Variants in SFT2D3 observed in about 807,000 individuals in gnomAD.
SFT2D3 encodes the protein vesicle transport protein SFT2C.
For missense variants in SFT2D3, 405 were observed against 334.6 expected (o/e 1.21, Z -1.64); for synonymous variants, 239 against 191.2 (o/e 1.25, Z -2.06).
rs7575478 is a variant in SFT2D3 at position 127,703,982 on chromosome 2, A to G, written c.*1806A>G. The G allele has an allele frequency of 0.31, 50,895 of 166,148 alleles. 8,295 individuals are homozygous for G. The highest frequency in any genetic ancestry group is 0.49 in the South Asian group (2,329 of 4,800). The allele number at this position is 166,148 out of a possible 1,614,324, so 10.3% of individuals were successfully genotyped here. A position where few individuals can be genotyped will look rare whatever the true frequency, so the allele number is the denominator to read the frequency against. Reference sequence around the variant, plus strand: ...AAAATCTTCAAAAAATTTGCCAGATATGGTGGCACACAACTGTGATCCCAG... The same window carrying G: ...AAAATCTTCAAAAAATTTGCCAGATGTGGTGGCACACAACTGTGATCCCAG... On this transcript the variant is annotated 3_prime_UTR_variant, in exon 1 of 1. Coordinates refer to ENST00000310981, the MANE Select transcript of SFT2D3 (RefSeq NM_032740.4).
In SFT2D3 at chr2:127,701,994, A is replaced by G; in HGVS notation, c.466A>G (p.Thr156Ala). Residue 156 changes from threonine (T) to alanine (A), a missense_variant, in exon 1 of 1, where the codon ACG becomes GCG. Physicochemically the swap from Thr to Ala is moderately conservative, Grantham distance 58. Transcript: ENST00000310981. Reference protein sequence around the residue: ...ALLYMAALGATLFAALGLRST... With the variant: ...ALLYMAALGAALFAALGLRST... Reference sequence around the variant, plus strand: ...GCTCTACATGGCAGCGCTGGGCGCCACGCTGTTCGCCGCGCTGGGCCTTCG... The same window carrying G: ...GCTCTACATGGCAGCGCTGGGCGCCGCGCTGTTCGCCGCGCTGGGCCTTCG... 7.5e-7 allele frequency: 1 copy of G among 1,332,596 alleles called. No individual in the cohort carries two copies. Among genetic ancestry groups the G allele is most frequent in the East Asian group, 3.3e-5 (1 of 30,446 alleles). The allele number at this position is 1,332,596 out of a possible 1,614,324, so 82.5% of individuals were successfully genotyped here. A position where few individuals can be genotyped will look rare whatever the true frequency, so the allele number is the denominator to read the frequency against.
chr2:127,701,853 G>T lies in SFT2D3; in HGVS notation c.325G>T (p.Ala109Ser). The T allele has an allele frequency of 1.4e-6, 2 of 1,461,306 alleles. No homozygotes were observed. The highest frequency in any genetic ancestry group is 1.8e-6 in the Non-Finnish European group (2 of 1,111,714). 90.5% of individuals were successfully genotyped at this position (1,461,306 alleles called of 1,614,324 possible). ...GTTGCTGCTGCGCGCGCGCAAGTTCGCGCTGCTCTGGTCACTGGGCTCGGC... is the reference window on the plus strand; with the variant it reads ...GTTGCTGCTGCGCGCGCGCAAGTTCTCGCTGCTCTGGTCACTGGGCTCGGC... ...PVLLLRARKF[A>S]LLWSLGSALA... is the part of the protein sequence containing the mutation. Residue 109 changes from alanine to serine, a missense_variant, in exon 1 of 1, where the codon GCG (alanine) becomes TCG (serine). Transcript: ENST00000310981.
rs1393155491 is a variant in SFT2D3 at position 127,703,507 on chromosome 2, C to G, written c.*1331C>G. The G allele has an allele frequency of 6.0e-6, 1 of 167,140 alleles. No individual in the cohort carries two copies. The highest frequency in any genetic ancestry group is 1.5e-5 in the Non-Finnish European group (1 of 68,148). The allele number at this position is 167,140 out of a possible 1,614,324, so 10.4% of individuals were successfully genotyped here. A position where few individuals can be genotyped will look rare whatever the true frequency, so the allele number is the denominator to read the frequency against. On this transcript the variant is annotated 3_prime_UTR_variant, in exon 1 of 1. Transcript: ENST00000310981. ...CCTAAGTAAGTCAGGTCCCTAAGCC[C>G]CGTCCCAAGAAGTGACACAAGTGGC... is the stretch of plus-strand genomic sequence containing the variant.
rs933806708 is a variant in SFT2D3 at position 127,702,965 on chromosome 2, A to T, written c.*789A>T. 1 of 167,066 alleles carries T rather than the reference A, an allele frequency of 6.0e-6. No individual in the cohort carries two copies. Among genetic ancestry groups the T allele is most frequent in the Non-Finnish European group, 1.5e-5 (1 of 68,116 alleles). The allele number at this position is 167,066 out of a possible 1,614,324, so 10.3% of individuals were successfully genotyped here. On this transcript the variant is annotated 3_prime_UTR_variant, in exon 1 of 1. Coordinates refer to ENST00000310981, the MANE Select transcript of SFT2D3 (RefSeq NM_032740.4). Reference sequence around the variant, plus strand: ...AAACCATGGATTTCTACAAGCTCGAATTATTCCTCATTGTATAGCCTGCTT... The same window carrying T: ...AAACCATGGATTTCTACAAGCTCGATTTATTCCTCATTGTATAGCCTGCTT...
rs1280805115 is a variant in SFT2D3, at chr2:127,703,076, C to T, written c.*900C>T. ...GCCTTCATTTTAGGTTCAGCAGTTACTTTTAACTACCTTAATTTATTGCCA... is the reference window on the plus strand; with the variant it reads ...GCCTTCATTTTAGGTTCAGCAGTTATTTTTAACTACCTTAATTTATTGCCA... On this transcript the variant is annotated 3_prime_UTR_variant, in exon 1 of 1. Coordinates refer to ENST00000310981, the MANE Select transcript of SFT2D3 (RefSeq NM_032740.4). 1 of 167,046 alleles carries T rather than the reference C, an allele frequency of 6.0e-6. No individual in the cohort carries two copies. The highest frequency in any genetic ancestry group is 1.9e-4 in the East Asian group (1 of 5,202). 10.3% of individuals were successfully genotyped at this position (167,046 alleles called of 1,614,324 possible). A position where few individuals can be genotyped will look rare whatever the true frequency, so the allele number is the denominator to read the frequency against.
Position 127,701,687 on chromosome 2 carries a change from G to A in SFT2D3, c.159G>A (p.Trp53Ter). Residue 53 changes from tryptophan (W) to a stop codon, truncating the protein, a stop_gained, in exon 1 of 1, where the codon TGG (tryptophan) becomes TGA (stop). Transcript: ENST00000310981. LOFTEE classifies it low-confidence loss of function (END_TRUNC). ...GCCGCGCGGGCTTGCGCTGGACGTG[G>A]GCGCGGAGCCCTGCGGAGTCGGCAG... The part of the protein sequence containing the change: ...WLGRAGLRWT[W>*]ARSPAESAAA... The A allele has an allele frequency of 1.5e-6, 2 of 1,298,744 alleles. No homozygotes were observed. The highest frequency in any genetic ancestry group is 1.9e-6 in the Non-Finnish European group (2 of 1,028,830). The allele number at this position is 1,298,744 out of a possible 1,614,324, so 80.5% of individuals were successfully genotyped here. A position where few individuals can be genotyped will look rare whatever the true frequency, so the allele number is the denominator to read the frequency against.
chr2:127,702,277 G>A lies in SFT2D3; in HGVS notation c.*101G>A. 3.6e-6 allele frequency: 4 copies of A among 1,103,668 alleles called. No individual in the cohort carries two copies. Among genetic ancestry groups the A allele is most frequent in the Non-Finnish European group, 4.5e-6 (4 of 884,528 alleles). 68.4% of individuals were successfully genotyped at this position (1,103,668 alleles called of 1,614,324 possible). On this transcript the variant is annotated 3_prime_UTR_variant, in exon 1 of 1. Coordinates refer to ENST00000310981, the MANE Select transcript of SFT2D3 (RefSeq NM_032740.4). ...TGCACGCCGCTGTGCGGAAGCCCGTGGCGAAGGCCCTGCCCTAACAGCCTG... is the reference window on the plus strand; with the variant it reads ...TGCACGCCGCTGTGCGGAAGCCCGTAGCGAAGGCCCTGCCCTAACAGCCTG...
rs1685948738 is a variant in SFT2D3 at position 127,703,750 on chromosome 2, A to G, written c.*1574A>G. ...CCCTAAATTTCTGTTCTAGTTTTAAATTTCTCTAGAACTTGCAATAGTTGG... is the reference window on the plus strand; with the variant it reads ...CCCTAAATTTCTGTTCTAGTTTTAAGTTTCTCTAGAACTTGCAATAGTTGG... On this transcript the variant is annotated 3_prime_UTR_variant, in exon 1 of 1. Transcript: ENST00000310981. The G allele has an allele frequency of 6.0e-6, 1 of 167,010 alleles. No individual in the cohort carries two copies. The highest frequency in any genetic ancestry group is 2.4e-5 in the African/African-American group (1 of 41,418). 10.3% of individuals were successfully genotyped at this position (167,010 alleles called of 1,614,324 possible). A position where few individuals can be genotyped will look rare whatever the true frequency, so the allele number is the denominator to read the frequency against.
In SFT2D3 at chr2:127,702,018, C is replaced by T. The variant is rs889011553; in HGVS notation, c.490C>T (p.Arg164Cys). The change falls in exon 1 of 1, where the codon CGC (arginine) becomes TGC (cysteine). Residue 164 changes from arginine to cysteine, a missense_variant. Transcript: ENST00000310981. ...CACGCTGTTCGCCGCGCTGGGCCTTCGCAGCACGCTGCTCACGGTGCTGGG... is the reference window on the plus strand; with the variant it reads ...CACGCTGTTCGCCGCGCTGGGCCTTTGCAGCACGCTGCTCACGGTGCTGGG... ...GATLFAALGL[R>C]STLLTVLGAG... The T allele has an allele frequency of 4.6e-6, 6 of 1,298,250 alleles. No homozygotes were observed. In the African/African-American group the frequency reaches 4.7e-5, roughly 10 times the overall value. 80.4% of individuals were successfully genotyped at this position (1,298,250 alleles called of 1,614,324 possible). A position where few individuals can be genotyped will look rare whatever the true frequency, so the allele number is the denominator to read the frequency against.
In SFT2D3 at chr2:127,704,525, G is replaced by C. The variant is rs1685965929; in HGVS notation, c.*2349G>C. 1 of 166,858 alleles carries C rather than the reference G, an allele frequency of 6.0e-6. No homozygotes were observed. The highest frequency in any genetic ancestry group is 6.6e-5 in the Admixed American group (1 of 15,260). The allele number at this position is 166,858 out of a possible 1,614,324, so 10.3% of individuals were successfully genotyped here. A position where few individuals can be genotyped will look rare whatever the true frequency, so the allele number is the denominator to read the frequency against. ...TTTAAGCTATACCAGTTGGGGGTGA[G>C]TGAAGAAATACCCATAACCTAAAGC... On this transcript the variant is annotated 3_prime_UTR_variant, in exon 1 of 1. Coordinates refer to ENST00000310981, the MANE Select transcript of SFT2D3 (RefSeq NM_032740.4).
Position 127,704,043 on chromosome 2 carries a change from G to C in SFT2D3, c.*1867G>C, listed in dbSNP as rs1020160554. On this transcript the variant is annotated 3_prime_UTR_variant, in exon 1 of 1. Coordinates refer to ENST00000310981, the MANE Select transcript of SFT2D3 (RefSeq NM_032740.4). The stretch of plus-strand genomic sequence containing the variant: ...TGGGGCTGAGGTGGGAAGATCACTT[G>C]AGCCCAGGAGGTTGAGGCTGCAGTG... 11 of 166,430 alleles carry C rather than the reference G, an allele frequency of 6.6e-5. No homozygotes were observed. The highest frequency in any genetic ancestry group is 2.6e-4 in the African/African-American group (11 of 41,510). The allele number at this position is 166,430 out of a possible 1,614,324, so 10.3% of individuals were successfully genotyped here. A position where few individuals can be genotyped will look rare whatever the true frequency, so the allele number is the denominator to read the frequency against.
chr2:127,703,068 A>G lies in SFT2D3; in HGVS notation c.*892A>G, dbSNP rs1348194798. The G allele has an allele frequency of 6.0e-6, 1 of 167,064 alleles. No individual in the cohort carries two copies. The highest frequency in any genetic ancestry group is 2.4e-5 in the African/African-American group (1 of 41,446). The allele number at this position is 167,064 out of a possible 1,614,324, so 10.3% of individuals were successfully genotyped here. A position where few individuals can be genotyped will look rare whatever the true frequency, so the allele number is the denominator to read the frequency against. Reference sequence around the variant, plus strand: ...TTGCTGCTGCCTTCATTTTAGGTTCAGCAGTTACTTTTAACTACCTTAATT... The same window carrying G: ...TTGCTGCTGCCTTCATTTTAGGTTCGGCAGTTACTTTTAACTACCTTAATT... On this transcript the variant is annotated 3_prime_UTR_variant, in exon 1 of 1. Transcript: ENST00000310981.
chr2:127,701,871 G>C lies in SFT2D3; in HGVS notation c.343G>C (p.Gly115Arg). 6.8e-7 allele frequency: 1 copy of C among 1,459,964 alleles called. No individual in the cohort carries two copies. Among genetic ancestry groups the C allele is most frequent in the Non-Finnish European group, 9.0e-7 (1 of 1,111,618 alleles). The allele number at this position is 1,459,964 out of a possible 1,614,324, so 90.4% of individuals were successfully genotyped here. ...ARKFALLWSL[G>R]SALALAGSAL... is the part of the protein sequence containing the mutation. The stretch of plus-strand genomic sequence containing the variant: ...CAAGTTCGCGCTGCTCTGGTCACTG[G>C]GCTCGGCGCTGGCGTTGGCGGGAAG... The change falls in exon 1 of 1, where the codon GGC (glycine) becomes CGC (arginine). Residue 115 changes from glycine (G) to arginine (R), a missense_variant. Transcript: ENST00000310981.
In SFT2D3 at chr2:127,701,528, G is replaced by C. The variant is rs1685876558; in HGVS notation, c.-1G>C. 1 of 1,328,068 alleles carries C rather than the reference G, an allele frequency of 7.5e-7. No homozygotes were observed. The highest frequency in any genetic ancestry group is 1.5e-5 in the African/African-American group (1 of 65,576). The allele number at this position is 1,328,068 out of a possible 1,614,324, so 82.3% of individuals were successfully genotyped here. On this transcript the variant is annotated 5_prime_UTR_variant, in exon 1 of 1. Coordinates refer to ENST00000310981, the MANE Select transcript of SFT2D3 (RefSeq NM_032740.4). Reference sequence around the variant, plus strand: ...TCCTTTCTGCCACCGCCTTGTCCAAGATGGCGGACCTCCACCGCCAGCTGC... The same window carrying C: ...TCCTTTCTGCCACCGCCTTGTCCAACATGGCGGACCTCCACCGCCAGCTGC...
chr2:127,703,605 A>C lies in SFT2D3; in HGVS notation c.*1429A>C, dbSNP rs764055191. ...AAAGAACACTGCCTTGTTCCCCATC[A>C]GTAAACAAGGTTACCTACCTCAGGA... On this transcript the variant is annotated 3_prime_UTR_variant, in exon 1 of 1. Transcript: ENST00000310981. 1 of 167,106 alleles carries C rather than the reference A, an allele frequency of 6.0e-6. No individual in the cohort carries two copies. The highest frequency in any genetic ancestry group is 1.5e-5 in the Non-Finnish European group (1 of 68,120). 10.4% of individuals were successfully genotyped at this position (167,106 alleles called of 1,614,324 possible).
chr2:127,702,795 T>C lies in SFT2D3; in HGVS notation c.*619T>C, dbSNP rs943384158. 6.0e-6 allele frequency: 1 copy of C among 167,038 alleles called. No homozygotes were observed. Among genetic ancestry groups the C allele is most frequent in the African/African-American group, 2.4e-5 (1 of 41,450 alleles). 10.3% of individuals were successfully genotyped at this position (167,038 alleles called of 1,614,324 possible). On this transcript the variant is annotated 3_prime_UTR_variant, in exon 1 of 1. Transcript: ENST00000310981. ...ATGAAAGGAAAATTAGTTGTGTATTTCACGACGAAAGCGACGGACCAAAAG... is the reference window on the plus strand; with the variant it reads ...ATGAAAGGAAAATTAGTTGTGTATTCCACGACGAAAGCGACGGACCAAAAG...
chr2:127,702,352 G>A lies in SFT2D3; in HGVS notation c.*176G>A, dbSNP rs758993845. ...TGCCAGCGGAGGCGACAGCAGCGTT[G>A]GGAGCTCCTCGATGTCAGCTTTTTG... On this transcript the variant is annotated 3_prime_UTR_variant, in exon 1 of 1. Coordinates refer to ENST00000310981, the MANE Select transcript of SFT2D3 (RefSeq NM_032740.4). 2.3e-5 allele frequency: 12 copies of A among 532,308 alleles called. No individual in the cohort carries two copies. In the East Asian group the frequency reaches 5.9e-4, roughly 26 times the overall value. The allele number at this position is 532,308 out of a possible 1,614,324, so 33.0% of individuals were successfully genotyped here.
In SFT2D3 at chr2:127,701,938, G is replaced by A. The variant is rs1256915313; in HGVS notation, c.410G>A (p.Arg137His). ...GGCGCGGCGTGCGGACGCCTGCTGC[G>A]CTGCGAAGAAGCGCCGTCCCGGCCC... ...RGGAACGRLLRCEEAPSRPAL... is the reference protein window; with the variant it reads ...RGGAACGRLLHCEEAPSRPAL... The change falls in exon 1 of 1, where the codon CGC becomes CAC. Residue 137 changes from arginine (R) to histidine (H), a missense_variant. Arg to His is a conservative substitution (Grantham distance 29, BLOSUM62 0). Coordinates refer to ENST00000310981, the MANE Select transcript of SFT2D3 (RefSeq NM_032740.4). The A allele has an allele frequency of 1.5e-5, 22 of 1,422,556 alleles. No homozygotes were observed. Among genetic ancestry groups the A allele is most frequent in the South Asian group, 2.8e-5 (2 of 71,408 alleles). 88.1% of individuals were successfully genotyped at this position (1,422,556 alleles called of 1,614,324 possible).
chr2:127,702,308 C>A lies in SFT2D3; in HGVS notation c.*132C>A. On this transcript the variant is annotated 3_prime_UTR_variant, in exon 1 of 1. Coordinates refer to ENST00000310981, the MANE Select transcript of SFT2D3 (RefSeq NM_032740.4). ...GGCCCTGCCCTAACAGCCTGCGAGT[C>A]TAATCCGGGAGCGGCTGCTGCCAGC... is the stretch of plus-strand genomic sequence containing the variant. The A allele has an allele frequency of 2.1e-6, 2 of 969,988 alleles. No individual in the cohort carries two copies. Among genetic ancestry groups the A allele is most frequent in the Non-Finnish European group, 2.6e-6 (2 of 760,344 alleles). 60.1% of individuals were successfully genotyped at this position (969,988 alleles called of 1,614,324 possible). A position where few individuals can be genotyped will look rare whatever the true frequency, so the allele number is the denominator to read the frequency against.
Sources: allele counts gnomAD v4.1 joint callset, GRCh38; gene constraint gnomAD v4.1.1; transcripts MANE v1.5; gene names NCBI Gene and HGNC (gene_info 2026-07-23, HGNC 2026-07-21).